The following NEBL variants were observed in gnomAD, a reference collection of about 807,000 sequenced individuals.
NEBL encodes the protein LIM and SH3 protein 2.
In NEBL, 122 loss-of-function variants were observed where a neutral mutation model predicts 140.2. The observed-to-expected ratio is 0.87, with a 90% confidence interval of 0.75 to 1.01. NEBL has a LOEUF of 1.01. NEBL is among the 50% of genes least tolerant of loss of function. The probability of loss-of-function intolerance (pLI) is 0.00; values close to 1 mark genes in which losing one functional copy is unlikely to be tolerated. For synonymous variants in NEBL, 436 were observed against 398.9 expected (o/e 1.09, Z -1.11); for missense variants, 1,365 against 1,231.3 (o/e 1.11, Z -1.62).
chr10:21,225,614 A>G (rs1054455553), intron 3 of NEBL, among the ~76,000 whole-genome samples: 1 of 151,428 alleles, frequency 6.6e-6, no homozygotes, highest in African/African-American at 2.4e-5. Flanking sequence ...AGTTCTTCCC[A>G]CTCTTCTCTC....
intron 3 of NEBL, among the ~76,000 whole-genome samples, chr10:21,211,277 G>C (rs896693026): frequency 6.6e-6 from 1 of 152,062 alleles, no homozygotes; most frequent in Non-Finnish European, 1.5e-5. Context: ...ACAGGAGCTT[G>C]AGACTAGCCT....
intron 2 of NEBL, among the ~76,000 whole-genome samples, chr10:21,167,053 T>C (rs1398971900): frequency 6.6e-6 from 1 of 152,150 alleles, no homozygotes; most frequent in East Asian, 1.9e-4. Flanking sequence ...CTGGCCTCGA[T>C]AATCACACTC....
chr10:21,229,109 A>G (rs74123914), intron 3 of NEBL, among the ~76,000 whole-genome samples: 5,357 of 152,306 alleles, frequency 0.035, 121 homozygotes, highest in African/African-American at 0.049. Flanking sequence ...TGTACTGAGT[A>G]GTATAAATTC....
intron 24 of NEBL, among the ~76,000 whole-genome samples, 157 bp downstream of exon 24, chr10:20,812,612 C>T (rs944265210): frequency 6.6e-6 from 1 of 152,036 alleles, no homozygotes; most frequent in East Asian, 1.9e-4. Flanking sequence ...CATTCCACAT[C>T]GTACAAAAAT....
chr10:21,079,881 C>T (rs1376950450), intron 2 of NEBL, among the ~76,000 whole-genome samples: 2 of 152,190 alleles, frequency 1.3e-5, no homozygotes, highest in African/African-American at 4.8e-5. Context: ...ACATTGAACT[C>T]TCCTTTTTCA....
chr10:21,210,607 G>C (rs1233564391), intron 3 of NEBL, among the ~76,000 whole-genome samples: 1 of 152,174 alleles, frequency 6.6e-6, no homozygotes, highest in Non-Finnish European at 1.5e-5. Context: ...TTAAATGTTT[G>C]TGTCAAGTAT....
chr10:21,266,338 C>T (rs542413178), intron 1 of NEBL, among the ~76,000 whole-genome samples: 2 of 152,148 alleles, frequency 1.3e-5, no homozygotes, highest in East Asian at 3.9e-4. Flanking sequence ...GACAGAGTTT[C>T]GCCATGTTGC....
At chr10:21,169,414 G>T (rs1458545939) in intron 2 of NEBL, among the ~76,000 whole-genome samples, 1 of 152,058 alleles carries the variant, frequency 6.6e-6, no homozygotes, top group African/African-American at 2.4e-5. Context: ...TTGACCCGGA[G>T]AAATTATGGC....
chr10:20,945,896 G>C (rs771106560), intron 4 of NEBL, among the ~76,000 whole-genome samples: 2 of 152,168 alleles, frequency 1.3e-5, no homozygotes, highest in Non-Finnish European at 2.9e-5. Flanking sequence ...TTTACTGATT[G>C]TATGCAATTA....
chr10:20,918,797 G>T (rs1483325615), intron 4 of NEBL, among the ~76,000 whole-genome samples: 1 of 151,918 alleles, frequency 6.6e-6, no homozygotes, highest in East Asian at 1.9e-4. Flanking sequence ...CTTGCAGTGA[G>T]CCGAGATTGC....
chr10:21,126,263 C>A, intron 2 of NEBL: 1 of 767,386 alleles, frequency 1.3e-6, no homozygotes, highest in Non-Finnish European at 2.1e-6. Flanking sequence ...TCAGGGACTT[C>A]TTTTGTAAGC....
intron 3 of NEBL, among the ~76,000 whole-genome samples, chr10:21,007,182 G>A (rs1838169469): frequency 6.6e-6 from 1 of 152,244 alleles, no homozygotes; most frequent in South Asian, 2.1e-4. Flanking sequence ...TCTAAGTCAG[G>A]GGTCAGGTCT....
At chr10:20,974,016 T>C (rs1589096143) in intron 3 of NEBL, among the ~76,000 whole-genome samples, 2 of 152,168 alleles carry the variant, frequency 1.3e-5, no homozygotes, top group African/African-American at 4.8e-5. Flanking sequence ...TTCAAGTTAA[T>C]GAGCATTGGG....
chr10:21,117,637 A>G (rs1223431313), intron 2 of NEBL, among the ~76,000 whole-genome samples: 4 of 152,140 alleles, frequency 2.6e-5, no homozygotes, highest in Non-Finnish European at 5.9e-5. Flanking sequence ...GTTCTGTCCT[A>G]TATATTGCCT....
chr10:20,910,165 TGAG>T (rs1197707374), intron 4 of NEBL, among the ~76,000 whole-genome samples: 4 of 152,200 alleles, frequency 2.6e-5, no homozygotes, highest in African/African-American at 9.6e-5. Context: ...AGAAATGAGT[TGAG>T]GACATACTTT....
intron 3 of NEBL, among the ~76,000 whole-genome samples, chr10:20,969,034 T>C (rs1202422000): frequency 3.9e-5 from 6 of 152,228 alleles, no homozygotes; most frequent in Non-Finnish European, 7.3e-5. Flanking sequence ...TAAGCATAGA[T>C]TAAAAGCTTA....
chr10:21,004,536 C>T (rs1317065559), intron 3 of NEBL, among the ~76,000 whole-genome samples: 2 of 152,082 alleles, frequency 1.3e-5, no homozygotes, highest in African/African-American at 4.8e-5. Flanking sequence ...CTGGCTAACA[C>T]AGTGAAACCC....
At chr10:21,011,096 C>T (rs1012186299) in intron 3 of NEBL, among the ~76,000 whole-genome samples, 6 of 152,026 alleles carry the variant, frequency 3.9e-5, no homozygotes, top group Admixed American at 3.3e-4. Context: ...TATTGCAGAA[C>T]ATTTTTGTAC....
chr10:21,198,315 T>G (rs1841683878), intron 3 of NEBL, among the ~76,000 whole-genome samples: 1 of 152,174 alleles, frequency 6.6e-6, no homozygotes, highest in Non-Finnish European at 1.5e-5. Flanking sequence ...ATCTTTAGGA[T>G]GTATTAGGAA....
Sources: gnomAD v4.1 joint callset for allele counts (sites outside exome capture counted in the v4.1 genomes callset) on GRCh38, gnomAD v4.1.1 for gene constraint, MANE v1.5 for transcripts, NCBI Gene and HGNC (gene_info 2026-07-23, HGNC 2026-07-21) for gene names.